ANKZF1: variants seen among roughly 807,000 people sequenced by gnomAD.
ANKZF1 encodes tRNA endonuclease ANKZF1.
ANKZF1 carries 84 observed loss-of-function variants against 86.0 expected under a neutral mutation model. The ratio of observed to expected loss-of-function variants is 0.98; its 90% CI spans 0.82 to 1.17. ANKZF1 has a LOEUF of 1.17. Ranked by LOEUF, ANKZF1 falls within the 50% of genes most tolerant of loss-of-function variation. ANKZF1 has a pLI of 0.00. For synonymous variants in ANKZF1, 331 were observed against 354.2 expected, an observed-to-expected ratio of 0.93 and a Z score of 0.74; for missense variants, 893 against 918.4, an observed-to-expected ratio of 0.97 and a Z score of 0.36.
Position 219,232,637 on chromosome 2 carries a change from A to T in ANKZF1, c.512A>T (p.Gln171Leu), listed in dbSNP as rs777807394. 5 of 1,614,202 alleles carry T rather than the reference A, an allele frequency of 3.1e-6. No homozygotes were observed. The highest frequency in any genetic ancestry group is 4.2e-6 in the Non-Finnish European group (5 of 1,180,030). Residue 171 changes from glutamine to leucine, a missense_variant, in exon 5 of 14, where the codon CAG (glutamine) becomes CTG (leucine). Gln to Leu is a moderately radical substitution (Grantham distance 113, BLOSUM62 -2). Transcript: ENST00000323348. ...YPHRVLFQNA[Q>L]GQFLYAYRCV... ...CATCGAGTTCTTTTCCAGAATGCCC[A>T]GGGCCAGTTTCTTTATGCCTACCGC... is the stretch of plus-strand genomic sequence containing the variant.
intron 9 of ANKZF1, 110 bp downstream of exon 9, chr2:219,234,398 C>T (rs567529723): frequency 2.3e-6 from 3 of 1,332,820 alleles, no homozygotes; most frequent in Non-Finnish European, 1.1e-6. Context: ...CACACACCCA[C>T]AGTGTCTATC....
Position 219,235,717 on chromosome 2 carries a change from C to G in ANKZF1, c.1813C>G (p.Pro605Ala). The G allele has an allele frequency of 6.2e-7, 1 of 1,614,072 alleles. No individual in the cohort carries two copies. ...ATTTGAAATCCTCCAGGTGCCAGGA[C>G]CATTGACACCAGAAATGGAGGCACG... ...YDYNKAQVPGPLTPEMEARQA... is the reference protein window; with the variant it reads ...YDYNKAQVPGALTPEMEARQA... The change falls in exon 12 of 14, where the codon CCA becomes GCA. Residue 605 changes from proline (P) to alanine (A), a missense_variant. By Grantham distance (27) the Pro-to-Ala change is conservative. Coordinates refer to ENST00000323348, the MANE Select transcript of ANKZF1 (RefSeq NM_018089.3).
At chr2:219,232,837 G>A in intron 5 of ANKZF1, 154 bp downstream of exon 5, 1 of 931,208 alleles carries the variant, frequency 1.1e-6, no homozygotes, top group Non-Finnish European at 1.6e-6. Flanking sequence ...AAACTGGCCT[G>A]AATTGTGGAA....
At position 219,229,840 on chromosome 2, in the gene ANKZF1, G is replaced by C. The variant is rs982947538; in HGVS notation, c.-91G>C. 1.7e-5 allele frequency: 3 copies of C among 173,782 alleles called. No homozygotes were observed. Among genetic ancestry groups the C allele is most frequent in the African/African-American group, 7.2e-5 (3 of 41,762 alleles). The allele number at this position is 173,782 out of a possible 1,614,324, so 10.8% of individuals were successfully genotyped here. On this transcript the variant is annotated 5_prime_UTR_variant, in exon 1 of 14. Transcript: ENST00000323348. The surrounding 1 kb of genome is among the most constrained non-coding windows in gnomAD (Gnocchi z 4.2). Reference sequence around the variant, plus strand: ...GCTCCGTAGTGACGGGGATTGTTGTGTTGCAGAAATCCGGCAATCGACCTG... The same window carrying C: ...GCTCCGTAGTGACGGGGATTGTTGTCTTGCAGAAATCCGGCAATCGACCTG...
At chr2:219,232,951 G>C (rs1323562822) in intron 5 of ANKZF1, 128 bp from the exon 6 acceptor site, 7 of 990,786 alleles carry the variant, frequency 7.1e-6, no homozygotes, top group Non-Finnish European at 9.2e-6. Context: ...AAATTTCCTT[G>C]TTTGTCAAAT....
At chr2:219,232,169 ACTTC>A (rs1951059463) in intron 3 of ANKZF1, 87 bp from the exon 4 acceptor site, 1 of 1,449,682 alleles carries the variant, frequency 6.9e-7, no homozygotes, top group African/African-American at 1.4e-5. Context: ...ACCTGGTTGT[ACTTC>A]CTAGAATACT....
chr2:219,234,049 C>T (rs1951128336), intron 8 of ANKZF1, 84 bp from the exon 9 acceptor site: 3 of 1,548,734 alleles, frequency 1.9e-6, no homozygotes, highest in Non-Finnish European at 2.6e-6. Flanking sequence ...CCTTGGACTG[C>T]AGCCCAGCTA....
At position 219,232,310 on chromosome 2, in the gene ANKZF1, C is replaced by T; in HGVS notation, c.312C>T (p.Leu104=). The change falls in exon 4 of 14, where the codon CTC becomes CTT. Residue 104 remains leucine, a synonymous_variant. Coordinates refer to ENST00000323348, the MANE Select transcript of ANKZF1 (RefSeq NM_018089.3). ...ATCGGTTTAACCTAAAGCAACGTCT[C>T]AAGGACAAGCCTCTCCTGTCTGCCC... is the stretch of plus-strand genomic sequence containing the variant. ...DWHRFNLKQR[L]KDKPLLSALD... 1 of 1,614,234 alleles carries T rather than the reference C, an allele frequency of 6.2e-7. No homozygotes were observed. Among genetic ancestry groups the T allele is most frequent in the Non-Finnish European group, 8.5e-7 (1 of 1,180,046 alleles).
Position 219,233,786 on chromosome 2 carries a change from T to C in ANKZF1, c.891T>C (p.Arg297=), listed in dbSNP as rs1409424181. 4.3e-6 allele frequency: 7 copies of C among 1,614,122 alleles called. No individual in the cohort carries two copies. Among genetic ancestry groups the C allele is most frequent in the Non-Finnish European group, 5.1e-6 (6 of 1,180,040 alleles). ...AGGAGGCTGGTACAATACTGTTGCG[T>C]GCTCCCCGCTCTGGCCGGTCTTTGT... is the stretch of plus-strand genomic sequence containing the variant. The part of the protein sequence containing the change: ...ALEEAGTILL[R]APRSGRSLFF... The change falls in exon 8 of 14, where the codon CGT becomes CGC. Residue 297 remains arginine (R), a synonymous_variant. Coordinates refer to ENST00000323348, the MANE Select transcript of ANKZF1 (RefSeq NM_018089.3).
chr2:219,235,195 C>T lies in ANKZF1; in HGVS notation c.1574C>T (p.Ser525Phe). 1 of 1,614,078 alleles carries T rather than the reference C, an allele frequency of 6.2e-7. No individual in the cohort carries two copies. Among genetic ancestry groups the T allele is most frequent in the Non-Finnish European group, 8.5e-7 (1 of 1,180,034 alleles). ...AGCCCTGCAGACCCTAGAGTTCTGT[C>T]TCTGCTCAGTGCCCCCTTGGGCTCC... ...APSPADPRVL[S>F]LLSAPLGSGG... The change falls in exon 10 of 14, where the codon TCT becomes TTT. Residue 525 changes from serine to phenylalanine, a missense_variant. Physicochemically the swap from Ser to Phe is radical, Grantham distance 155. Transcript: ENST00000323348.
At chr2:219,233,487 C>G in intron 7 of ANKZF1, 54 bp downstream of exon 7, 1 of 1,515,774 alleles carries the variant, frequency 6.6e-7, no homozygotes, top group Non-Finnish European at 8.8e-7. Context: ...TTTTGCATCT[C>G]TGTTCAACTC....
intron 2 of ANKZF1, chr2:219,230,744 G>C (rs1294675724): frequency 5.2e-6 from 1 of 190,612 alleles, no homozygotes; most frequent in Non-Finnish European, 1.1e-5. Context: ...TATTTGTTTC[G>C]TATAGCTTTA....
chr2:219,236,151 G>A, intron 13 of ANKZF1, 56 bp downstream of exon 13: 1 of 1,608,194 alleles, frequency 6.2e-7, no homozygotes, highest in South Asian at 1.1e-5. Context: ...GGACCATTGG[G>A]GGCAAGAGAA....
rs1283225083 is a variant in ANKZF1, at chr2:219,234,814, G to A, written c.1205-12G>A. On this transcript the variant is annotated splice_polypyrimidine_tract_variant and intron_variant, in intron 9 of 13. Coordinates refer to ENST00000323348, the MANE Select transcript of ANKZF1 (RefSeq NM_018089.3). Reference sequence around the variant, plus strand: ...TCCCTAGATGGATTTCACATGTCAGGTTTTTCCCTAGGTTCAGGGTCGGAG... The same window carrying A: ...TCCCTAGATGGATTTCACATGTCAGATTTTTCCCTAGGTTCAGGGTCGGAG... 1.3e-6 allele frequency: 2 copies of A among 1,599,352 alleles called. No individual in the cohort carries two copies. The highest frequency in any genetic ancestry group is 2.7e-5 in the African/African-American group (2 of 74,312).
rs750431702 is a variant in ANKZF1, at chr2:219,233,329, C to A, written c.715C>A (p.Arg239=). The A allele has an allele frequency of 3.7e-6, 6 of 1,614,244 alleles. No individual in the cohort carries two copies. The highest frequency in any genetic ancestry group is 5.1e-6 in the Non-Finnish European group (6 of 1,180,050). The change falls in exon 7 of 14, where the codon CGG becomes AGG. Residue 239 remains arginine (R), a synonymous_variant. Coordinates refer to ENST00000323348, the MANE Select transcript of ANKZF1 (RefSeq NM_018089.3). ...THKTFHRYTV[R]AKRGTAQGLR... is the part of the protein sequence containing the mutation. ...CAAAACTTTTCACCGCTATACGGTT[C>A]GGGCCAAGCGGGGCACAGCCCAGGG...
At chr2:219,230,031 C>T (rs1559250140) in intron 1 of ANKZF1, 131 bp downstream of exon 1, 1 of 472,940 alleles carries the variant, frequency 2.1e-6, no homozygotes, top group Non-Finnish European at 3.8e-6. Context: ...GAGCCGAATG[C>T]CTATTTCATT....
rs369641231 is a variant in ANKZF1, at chr2:219,235,188, G to A, written c.1567G>A (p.Val523Ile). 2.5e-6 allele frequency: 4 copies of A among 1,613,996 alleles called. No homozygotes were observed. In the African/African-American group the frequency reaches 5.3e-5, roughly 22 times the overall value. ...QLAPSPADPRVLSLLSAPLGS... is the reference protein window; with the variant it reads ...QLAPSPADPRILSLLSAPLGS... ...AGCTCCCAGCCCTGCAGACCCTAGA[G>A]TTCTGTCTCTGCTCAGTGCCCCCTT... The change falls in exon 10 of 14, where the codon GTT becomes ATT. Residue 523 changes from valine to isoleucine, a missense_variant. By Grantham distance (29) the Val-to-Ile change is conservative. Transcript: ENST00000323348.
Position 219,235,747 on chromosome 2 carries a change from G to A in ANKZF1, c.1843G>A (p.Ala615Thr). ...PLTPEMEARQ[A>T]TRKREQKAAR... Reference sequence around the variant, plus strand: ...GACACCAGAAATGGAGGCACGGCAGGCTACACGGAAAAGGGAGCAGAAGGC... The same window carrying A: ...GACACCAGAAATGGAGGCACGGCAGACTACACGGAAAAGGGAGCAGAAGGC... The change falls in exon 12 of 14, where the codon GCT (alanine) becomes ACT (threonine). Residue 615 changes from alanine to threonine, a missense_variant. Transcript: ENST00000323348. The A allele has an allele frequency of 6.2e-7, 1 of 1,614,168 alleles. No individual in the cohort carries two copies.
rs536969364 is a variant in ANKZF1, at chr2:219,234,932, G to T, written c.1311G>T (p.Arg437Ser). The T allele has an allele frequency of 1.2e-6, 2 of 1,614,094 alleles. No individual in the cohort carries two copies. Among genetic ancestry groups the T allele is most frequent in the Non-Finnish European group, 1.7e-6 (2 of 1,180,044 alleles). ...AGTCTGAAGTATTGCCCAAGCGGAG[G>T]AGGAGAAAAAGGAATAAGAAGGAGA... ...LCESEVLPKR[R>S]RRKRNKKEKS... The change falls in exon 10 of 14, where the codon AGG becomes AGT. Residue 437 changes from arginine (R) to serine (S), a missense_variant. Arg to Ser is a moderately radical substitution (Grantham distance 110). Transcript: ENST00000323348.
Sources: gnomAD v4.1 joint callset for allele counts on GRCh38, gnomAD v4.1.1 for gene constraint, Gnocchi (gnomAD v3.1) non-coding constraint, MANE v1.5 for transcripts, NCBI Gene and HGNC (gene_info 2026-07-23, HGNC 2026-07-21) for gene names.